The following PECR variants were observed in gnomAD, a reference collection of about 807,000 sequenced individuals.
PECR encodes the protein peroxisomal trans-2-enoyl-CoA reductase.
PECR carries 30 observed loss-of-function variants against 35.3 expected under a neutral mutation model. The observed-to-expected ratio is 0.85, with a 90% CI of 0.64 to 1.15. PECR has a LOEUF of 1.15. PECR is among the 50% of genes most tolerant of loss of function. PECR has a pLI of 0.00. For missense variants in PECR, 392 were observed against 370.8 expected (o/e 1.06, Z -0.47); for synonymous variants, 148 against 138.9 (o/e 1.07, Z -0.46).
At chr2:216,080,169 C>T (rs1295158386) in intron 1 of PECR, among the ~76,000 whole-genome samples, 2 of 151,822 alleles carry the variant, frequency 1.3e-5, no homozygotes, top group Non-Finnish European at 2.9e-5. Flanking sequence ...GCAACCTCTG[C>T]CTCCCAGGTT....
chr2:216,065,230 C>T, intron 3 of PECR, 82 bp downstream of exon 3: 1 of 904,558 alleles, frequency 1.1e-6, no homozygotes, highest in Middle Eastern at 2.2e-4. Flanking sequence ...ATGTTAATGA[C>T]ATGGGGCTTC....
At chr2:216,066,596 C>A (rs1319714237) in intron 1 of PECR, 78 bp from the exon 2 acceptor site, 1 of 1,325,834 alleles carries the variant, frequency 7.5e-7, no homozygotes, top group African/African-American at 1.5e-5. Context: ...GAAAAGTAAA[C>A]CGCCAGGGAA....
chr2:216,051,743 G>A (rs539721368), intron 4 of PECR, among the ~76,000 whole-genome samples, 198 bp from the exon 5 acceptor site: 10 of 152,160 alleles, frequency 6.6e-5, no homozygotes, highest in Non-Finnish European at 1.3e-4. Context: ...CACAGCTGAT[G>A]ATCAAGCAAA....
At chr2:216,049,473 A>G (rs1458308166) in intron 5 of PECR, 100 bp from the exon 6 acceptor site, 19 of 628,674 alleles carry the variant, frequency 3.0e-5, no homozygotes, top group Non-Finnish European at 5.4e-5. Flanking sequence ...AACATTAAGT[A>G]GCTTAAGTCA....
chr2:216,038,221 T>C (rs1694830887), downstream of PECR, among the ~76,000 whole-genome samples: 1 of 152,198 alleles, frequency 6.6e-6, no homozygotes, highest in Admixed American at 6.5e-5. Context: ...AAGGCATTTC[T>C]TCAATAAGGG....
Position 216,039,294 on chromosome 2 carries a change from T to C in PECR, c.893A>G (p.Lys298Arg). The stretch of plus-strand genomic sequence containing the variant: ...CTCAGCTCAGAGCTTAGCTTTCTCC[T>C]TAAAGGTCTCCTTCATCTTTTTGAC... Reference protein sequence around the residue: ...SVVKKMKETFKEKAKL With the variant: ...SVVKKMKETFREKAKL Residue 298 changes from lysine to arginine, a missense_variant, in exon 8 of 8, where the codon AAG becomes AGG. Coordinates refer to ENST00000265322, the MANE Select transcript of PECR (RefSeq NM_018441.6). 1 of 1,601,690 alleles carries C rather than the reference T, an allele frequency of 6.2e-7. No homozygotes were observed. Among genetic ancestry groups the C allele is most frequent in the Middle Eastern group, 1.7e-4 (1 of 6,038 alleles).
chr2:216,045,054 G>A (rs896576677), intron 6 of PECR, among the ~76,000 whole-genome samples: 4 of 152,174 alleles, frequency 2.6e-5, no homozygotes, highest in South Asian at 2.1e-4. Context: ...ATAAGGTGTC[G>A]AGGGTGCAAG....
Position 216,043,530 on chromosome 2 carries a change from T to A in PECR, c.826+374A>T, listed in dbSNP as rs1053715738. Among the ~76,000 whole-genome samples the A allele has an allele frequency of 2.0e-5, 3 of 152,136 alleles. No homozygotes were observed. The South Asian group carries it at 6.2e-4, about 31-fold the overall frequency. On this transcript the variant is annotated intron_variant, in intron 7 of 7. Coordinates refer to ENST00000265322, the MANE Select transcript of PECR (RefSeq NM_018441.6). The stretch of plus-strand genomic sequence containing the variant: ...AGCACCCCACCCCACCTAGCAGGCC[T>A]GATTCTTCTGCTCAGATATGTAAGC...
chr2:216,077,269 G>A (rs1695724868), intron 1 of PECR, among the ~76,000 whole-genome samples: 1 of 152,050 alleles, frequency 6.6e-6, no homozygotes, highest in South Asian at 2.1e-4. Flanking sequence ...CACTTTGGGA[G>A]GCCAAGGCAG....
intron 3 of PECR, chr2:216,064,117 T>A (rs1430249453): frequency 1.3e-5 from 2 of 152,216 alleles, no homozygotes; most frequent in African/African-American, 4.8e-5. Context: ...TAGCAAGGTA[T>A]CTTGGATTGG....
downstream of PECR, among the ~76,000 whole-genome samples, chr2:216,035,310 C>G (rs144305154): frequency 2.1e-3 from 319 of 152,230 alleles, 1 homozygote; most frequent in African/African-American, 7.2e-3. Context: ...GGTTTTGCAT[C>G]AGAGGCCTCT....
At chr2:216,034,717 G>A (rs1342996667), downstream of PECR, among the ~76,000 whole-genome samples, 2 of 152,188 alleles carry the variant, frequency 1.3e-5, no homozygotes, top group Non-Finnish European at 1.5e-5. Flanking sequence ...AACAAGGTCT[G>A]GGGTAGAGGA....
chr2:216,053,369 G>A (rs991337536), intron 4 of PECR, among the ~76,000 whole-genome samples: 1 of 151,946 alleles, frequency 6.6e-6, no homozygotes, highest in African/African-American at 2.4e-5. Flanking sequence ...TCAGCCTCCC[G>A]AGTAGCTGGG....
chr2:216,065,785 A>G (rs987526695), intron 2 of PECR, among the ~76,000 whole-genome samples: 5 of 152,350 alleles, frequency 3.3e-5, no homozygotes, highest in Non-Finnish European at 7.3e-5. Context: ...ACAGCTACCA[A>G]CCCAGAATAA....
intron 1 of PECR, among the ~76,000 whole-genome samples, chr2:216,080,598 C>T: frequency 6.6e-6 from 1 of 152,152 alleles, no homozygotes; most frequent in East Asian, 1.9e-4. Context: ...TTCCAAATTG[C>T]CTTCCAGAAA....
At chr2:216,067,970 T>C (rs573849727) in intron 1 of PECR, among the ~76,000 whole-genome samples, 1 of 151,970 alleles carries the variant, frequency 6.6e-6, no homozygotes, top group South Asian at 2.1e-4. Context: ...GGCTCACACC[T>C]GTAATCCCAG....
chr2:216,042,244 G>A (rs564797534), intron 7 of PECR, among the ~76,000 whole-genome samples: 4 of 152,304 alleles, frequency 2.6e-5, no homozygotes, highest in East Asian at 1.9e-4. Context: ...GTTGCTGTGC[G>A]GGGGAAGTAA....
chr2:216,078,716 C>A (rs1047090889), intron 1 of PECR, among the ~76,000 whole-genome samples: 1 of 152,162 alleles, frequency 6.6e-6, no homozygotes, highest in Non-Finnish European at 1.5e-5. Context: ...GACACGCCAC[C>A]ACTTTCATCA....
intron 6 of PECR, among the ~76,000 whole-genome samples, 168 bp downstream of exon 6, chr2:216,049,095 T>C (rs961927994): frequency 7.9e-5 from 12 of 152,186 alleles, no homozygotes; most frequent in African/African-American, 1.9e-4. Flanking sequence ...TTGCTGTCAG[T>C]AGCCAAAGCA....
Sources: gnomAD v4.1 joint callset for allele counts (sites outside exome capture counted in the v4.1 genomes callset) on GRCh38, gnomAD v4.1.1 for gene constraint, MANE v1.5 for transcripts, NCBI Gene and HGNC (gene_info 2026-07-23, HGNC 2026-07-21) for gene names.